LRP1B: variants seen among roughly 807,000 people sequenced by gnomAD.
The protein encoded by LRP1B is low-density lipoprotein receptor-related protein 1B.
LRP1B carries 217 observed loss-of-function variants against 556.6 expected under a neutral mutation model. The ratio of observed to expected loss-of-function variants is 0.39; its 90% CI spans 0.35 to 0.44. The LOEUF (loss-of-function observed/expected upper bound fraction) is 0.44, where lower values mean the gene tolerates loss of function less well. Ranked by LOEUF, LRP1B falls within the 20% of genes least tolerant of loss-of-function variation. The probability of loss-of-function intolerance (pLI) is 1.00; values close to 1 mark genes in which losing one functional copy is unlikely to be tolerated. For missense variants in LRP1B, 5,053 were observed against 5,620.8 expected, an observed-to-expected ratio of 0.90 and a Z score of 3.23; for synonymous variants, 2,047 against 1,865.8, an observed-to-expected ratio of 1.10 and a Z score of -2.50.
chr2:141,737,884 A>G (rs1214421397), intron 2 of LRP1B, among the ~76,000 whole-genome samples: 2 of 152,120 alleles, frequency 1.3e-5, no homozygotes, highest in Admixed American at 6.6e-5. Flanking sequence ...TTTAGTTTCC[A>G]TAGAAGCCCT....
rs555788028 is a variant in LRP1B, at chr2:141,135,898, G to A, written c.1013+52523C>T. 8.4e-4 allele frequency among the ~76,000 whole-genome samples: 127 copies of A among 151,894 alleles called. 1 individual carries two copies. Among genetic ancestry groups the A allele is most frequent in the African/African-American group, 3.0e-3 (123 of 41,498 alleles). On this transcript the variant is annotated intron_variant, in intron 7 of 90. Coordinates refer to ENST00000389484, the MANE Select transcript of LRP1B (RefSeq NM_018557.3). ...ATTACCCCAAGCAAAATATAATTAA[G>A]GCAAGAAACTTACTCTGAAAACATC...
chr2:141,644,970 T>G (rs950564605), intron 2 of LRP1B, among the ~76,000 whole-genome samples: 1 of 152,096 alleles, frequency 6.6e-6, no homozygotes, highest in Non-Finnish European at 1.5e-5. Flanking sequence ...TAGGGAAACA[T>G]AGCCTTTGAG....
chr2:141,954,699 A>G (rs951217049), intron 1 of LRP1B, among the ~76,000 whole-genome samples: 4 of 152,078 alleles, frequency 2.6e-5, no homozygotes, highest in African/African-American at 9.7e-5. Context: ...CTGTGCGTTC[A>G]TATCTTCAGG....
chr2:140,449,191 C>A (rs1283982904), intron 63 of LRP1B, among the ~76,000 whole-genome samples: 1 of 151,992 alleles, frequency 6.6e-6, no homozygotes, highest in Non-Finnish European at 1.5e-5. Context: ...AGATCATCTT[C>A]TTAATTAAAG....
chr2:140,849,499 C>T (rs533989338), intron 29 of LRP1B, among the ~76,000 whole-genome samples: 58 of 151,310 alleles, frequency 3.8e-4, no homozygotes, highest in African/African-American at 1.4e-3. Flanking sequence ...GAAAAAAAGA[C>T]ACTTTAAGTC....
At chr2:140,574,191 A>G (rs1436630881) in intron 43 of LRP1B, among the ~76,000 whole-genome samples, 1 of 152,128 alleles carries the variant, frequency 6.6e-6, no homozygotes, top group Admixed American at 6.5e-5. Flanking sequence ...GCTCTGCTGT[A>G]ATTTAATATT....
chr2:140,840,511 G>A (rs1692068506), intron 30 of LRP1B, among the ~76,000 whole-genome samples: 1 of 152,120 alleles, frequency 6.6e-6, no homozygotes, highest in Non-Finnish European at 1.5e-5. Context: ...CTCTATGCAA[G>A]CTCCCTTAAG....
chr2:142,116,732 A>AT (rs1707289486), intron 1 of LRP1B, among the ~76,000 whole-genome samples: 2 of 152,176 alleles, frequency 1.3e-5, no homozygotes, highest in Non-Finnish European at 2.9e-5. Flanking sequence ...GTCTAAAATT[A>AT]TATCAAAATA....
chr2:141,793,541 A>T (rs1186005112), intron 2 of LRP1B, among the ~76,000 whole-genome samples: 3 of 151,990 alleles, frequency 2.0e-5, no homozygotes, highest in African/African-American at 7.2e-5. Context: ...ACTCAAAGTT[A>T]TCAGAATTAT....
Position 140,560,663 on chromosome 2 carries a change from C to G in LRP1B, c.7195-18692G>C, listed in dbSNP as rs568129175. On this transcript the variant is annotated intron_variant, in intron 43 of 90. Coordinates refer to ENST00000389484, the MANE Select transcript of LRP1B (RefSeq NM_018557.3). ...GTATGCTTGCCATATTTAACAATAG[C>G]AAAACTCATTACAATTATGATATAA... 7.2e-5 allele frequency among the ~76,000 whole-genome samples: 11 copies of G among 152,160 alleles called. No homozygotes were observed. The South Asian group carries it at 2.3e-3, about 32-fold the overall frequency.
chr2:142,062,233 G>T (rs763032237), intron 1 of LRP1B, among the ~76,000 whole-genome samples: 20 of 151,670 alleles, frequency 1.3e-4, no homozygotes, highest in African/African-American at 2.2e-4. Flanking sequence ...AAACTAAAAG[G>T]GTTATTAAAA....
intron 84 of LRP1B, among the ~76,000 whole-genome samples, chr2:140,280,353 G>T (rs1041864926): frequency 1.3e-5 from 2 of 151,732 alleles, no homozygotes; most frequent in Non-Finnish European, 2.9e-5. Context: ...TTGTTGTGGG[G>T]GGTGGTATAA....
intron 2 of LRP1B, among the ~76,000 whole-genome samples, chr2:141,530,622 G>A (rs995984256): frequency 2.0e-5 from 3 of 151,884 alleles, no homozygotes; most frequent in African/African-American, 4.8e-5. Flanking sequence ...AAGTGCAATC[G>A]AAAAATAAAA....
chr2:140,716,609 A>G, intron 36 of LRP1B, 73 bp downstream of exon 36: 2 of 1,447,778 alleles, frequency 1.4e-6, no homozygotes, highest in Non-Finnish European at 1.9e-6. Flanking sequence ...GTTAGAAAAG[A>G]TTTTTTATGA....
intron 1 of LRP1B, among the ~76,000 whole-genome samples, chr2:142,025,723 C>A (rs1161873419): frequency 1.3e-5 from 2 of 152,044 alleles, no homozygotes; most frequent in East Asian, 1.9e-4. Context: ...ATATTTTAAT[C>A]CTTCTAGAGC....
At chr2:140,963,376 G>C (rs1696095890) in intron 18 of LRP1B, among the ~76,000 whole-genome samples, 1 of 151,970 alleles carries the variant, frequency 6.6e-6, no homozygotes, top group East Asian at 1.9e-4. Context: ...CCACGACCTA[G>C]ATTTTTACAT....
intron 35 of LRP1B, among the ~76,000 whole-genome samples, chr2:140,749,536 A>T (rs1478322745): frequency 6.6e-6 from 1 of 152,114 alleles, no homozygotes; most frequent in Non-Finnish European, 1.5e-5. Flanking sequence ...TGTTAAAAAC[A>T]AAGATGTGCA....
intron 57 of LRP1B, among the ~76,000 whole-genome samples, chr2:140,491,191 T>C (rs190811370): frequency 6.6e-6 from 1 of 152,238 alleles, no homozygotes; most frequent in Non-Finnish European, 1.5e-5. Flanking sequence ...AGCAAGAAGC[T>C]ATCACTGAAG....
At chr2:141,852,436 G>A (rs902512772) in intron 1 of LRP1B, among the ~76,000 whole-genome samples, 20 of 151,704 alleles carry the variant, frequency 1.3e-4, no homozygotes, top group Non-Finnish European at 2.7e-4. Flanking sequence ...TAAAATATGT[G>A]TTCACATAAG....
Sources: allele counts gnomAD v4.1 joint callset (sites outside exome capture counted in the v4.1 genomes callset), GRCh38; gene constraint gnomAD v4.1.1; transcripts MANE v1.5; gene names NCBI Gene and HGNC (gene_info 2026-07-23, HGNC 2026-07-21).